The following HHAT variants were observed in gnomAD, a reference collection of about 807,000 sequenced individuals.
HHAT encodes the protein protein-cysteine N-palmitoyltransferase HHAT.
A neutral mutation model predicts 70.8 loss-of-function variants in HHAT; 47 were observed. The observed-to-expected ratio is 0.66, with a 90% CI of 0.53 to 0.85. The LOEUF is 0.85. HHAT is among the 40% of genes least tolerant of loss of function. The pLI is 0.00. For missense variants in HHAT, 609 were observed against 604.8 expected (o/e 1.01, Z -0.07); for synonymous variants, 228 against 247.6 (o/e 0.92, Z 0.74).
At chr1:210,635,648 T>A (rs1435322763) in intron 11 of HHAT, among the ~76,000 whole-genome samples, 1 of 152,220 alleles carries the variant, frequency 6.6e-6, no homozygotes, top group Non-Finnish European at 1.5e-5. Flanking sequence ...TCATAATTTG[T>A]ACAATAATGG....
chr1:210,432,409 C>T (rs998847172), intron 7 of HHAT, among the ~76,000 whole-genome samples: 1 of 151,872 alleles, frequency 6.6e-6, no homozygotes, highest in Non-Finnish European at 1.5e-5. Flanking sequence ...CTCAATTTAT[C>T]AGAGGTTGAA....
intron 9 of HHAT, among the ~76,000 whole-genome samples, chr1:210,562,850 C>G (rs998300662): frequency 5.1e-5 from 7 of 137,266 alleles, no homozygotes; most frequent in Non-Finnish European, 1.1e-4. Context: ...GTTCCCCTTC[C>G]TGTGTCCATG....
chr1:210,616,991 C>T (rs556446421), intron 10 of HHAT, among the ~76,000 whole-genome samples: 7 of 152,342 alleles, frequency 4.6e-5, no homozygotes, highest in Admixed American at 3.9e-4. Context: ...GGATGATCTA[C>T]ATTTATCAAA....
At chr1:210,571,270 C>G (rs79041239) in intron 9 of HHAT, among the ~76,000 whole-genome samples, 5 of 152,128 alleles carry the variant, frequency 3.3e-5, no homozygotes, top group African/African-American at 1.2e-4. Flanking sequence ...GGTTACTGGC[C>G]GTTAGATTCA....
At chr1:210,543,973 C>T (rs1257112748) in intron 9 of HHAT, among the ~76,000 whole-genome samples, 1 of 152,198 alleles carries the variant, frequency 6.6e-6, no homozygotes, top group Non-Finnish European at 1.5e-5. Flanking sequence ...TCCCAGAACA[C>T]ACTGTTGACT....
chr1:210,554,046 C>A (rs17016416), intron 9 of HHAT, among the ~76,000 whole-genome samples: 4,682 of 152,194 alleles, frequency 0.031, 212 homozygotes, highest in African/African-American at 0.1. Flanking sequence ...GCAAAGCCTG[C>A]AGTGAGCAAG....
chr1:210,635,419 A>C (rs1299239686), intron 11 of HHAT, among the ~76,000 whole-genome samples: 1 of 152,170 alleles, frequency 6.6e-6, no homozygotes, highest in Non-Finnish European at 1.5e-5. Context: ...AGGAACTACA[A>C]GGATTTTTGC....
intron 5 of HHAT, among the ~76,000 whole-genome samples, chr1:210,402,681 C>T (rs922546028): frequency 1.3e-5 from 2 of 152,188 alleles, no homozygotes; most frequent in African/African-American, 4.8e-5. Context: ...CACACCTATC[C>T]CTTCCTCTAA....
chr1:210,463,182 C>A (rs1311037507), intron 7 of HHAT, among the ~76,000 whole-genome samples: 2 of 149,968 alleles, frequency 1.3e-5, no homozygotes, highest in African/African-American at 2.5e-5. Context: ...AGATAGCTCA[C>A]ATACCATAAA....
chr1:210,578,379 G>T (rs1240203928), intron 9 of HHAT, among the ~76,000 whole-genome samples: 1 of 152,026 alleles, frequency 6.6e-6, no homozygotes, highest in Non-Finnish European at 1.5e-5. Context: ...TAGAACTCTT[G>T]TACATTGTTG....
chr1:210,577,885 A>T (rs1302672969), intron 9 of HHAT, among the ~76,000 whole-genome samples: 2 of 151,900 alleles, frequency 1.3e-5, no homozygotes, highest in African/African-American at 4.8e-5. Context: ...ACCTCATGTG[A>T]TCTGCCTGCC....
At chr1:210,601,457 T>C (rs1246343181) in intron 10 of HHAT, among the ~76,000 whole-genome samples, 1 of 152,164 alleles carries the variant, frequency 6.6e-6, no homozygotes, top group Non-Finnish European at 1.5e-5. Flanking sequence ...TGGATTTCTT[T>C]CAACAAATTG....
Position 210,358,095 on chromosome 1 carries a change from G to A in HHAT, c.92-4757G>A, listed in dbSNP as rs186558878. On this transcript the variant is annotated intron_variant, in intron 2 of 11. Coordinates refer to ENST00000261458, the MANE Select transcript of HHAT (RefSeq NM_018194.6). ...CATGGGGCAGAGCCTAGGCTAGAGA[G>A]CATTTGTGGGCAAGCCCTAGTGTTA... Among the ~76,000 whole-genome samples, 605 of 152,292 alleles carry A rather than the reference G, an allele frequency of 4.0e-3. 2 individuals carry two copies. The highest frequency in any genetic ancestry group is 5.7e-3 in the Non-Finnish European group (385 of 68,036).
intron 9 of HHAT, among the ~76,000 whole-genome samples, chr1:210,580,938 AC>A (rs1331608898): frequency 1.3e-5 from 2 of 152,140 alleles, no homozygotes; most frequent in Non-Finnish European, 2.9e-5. Context: ...TTACATTCCC[AC>A]CAATAGTGTG....
intron 7 of HHAT, among the ~76,000 whole-genome samples, chr1:210,441,810 A>G (rs1445933073): frequency 2.0e-5 from 3 of 151,872 alleles, no homozygotes; most frequent in African/African-American, 4.9e-5. Context: ...AAACATGTGT[A>G]TATGTATATA....
chr1:210,607,328 G>A (rs1665678745), intron 10 of HHAT, among the ~76,000 whole-genome samples: 1 of 152,004 alleles, frequency 6.6e-6, no homozygotes, highest in African/African-American at 2.4e-5. Flanking sequence ...CTTTTCAAAT[G>A]TTTACTTGCA....
intron 4 of HHAT, among the ~76,000 whole-genome samples, chr1:210,391,593 A>G (rs1244175169): frequency 6.6e-6 from 1 of 152,234 alleles, no homozygotes; most frequent in Non-Finnish European, 1.5e-5. Flanking sequence ...CAAGATATGA[A>G]GAGGAATTTG....
At chr1:210,352,319 A>G (rs949228692) in intron 2 of HHAT, among the ~76,000 whole-genome samples, 21 of 152,264 alleles carry the variant, frequency 1.4e-4, no homozygotes, top group East Asian at 3.9e-4. Flanking sequence ...TGCTTTTGCC[A>G]GTTTACCTCA....
chr1:210,451,805 T>C (rs1020341759), intron 7 of HHAT, among the ~76,000 whole-genome samples: 5 of 152,182 alleles, frequency 3.3e-5, no homozygotes, highest in African/African-American at 1.2e-4. Context: ...TCTCCAACTC[T>C]TGGTCTCCAG....
Sources: gnomAD v4.1 joint callset for allele counts (sites outside exome capture counted in the v4.1 genomes callset) on GRCh38, gnomAD v4.1.1 for gene constraint, MANE v1.5 for transcripts, NCBI Gene and HGNC (gene_info 2026-07-23, HGNC 2026-07-21) for gene names.